Variants in ZDHHC14 observed in about 807,000 individuals in gnomAD.
ZDHHC14 encodes palmitoyltransferase ZDHHC14.
In ZDHHC14, 16 loss-of-function variants were observed where a neutral mutation model predicts 47.7. That is an observed-to-expected ratio of 0.34 (90% confidence interval 0.23 to 0.51). The LOEUF (loss-of-function observed/expected upper bound fraction) is 0.51, where lower values mean the gene tolerates loss of function less well. Among genes scored for constraint, ZDHHC14 ranks in the 20% least tolerant of loss-of-function variants. The pLI is 0.97. For synonymous variants in ZDHHC14, 293 were observed against 278.9 expected (o/e 1.05, Z -0.50); for missense variants, 515 against 662.5 (o/e 0.78, Z 2.44).
Position 157,672,962 on chromosome 6 carries a change from A to T in ZDHHC14, c.1307A>T (p.His436Leu), listed in dbSNP as rs1213301537. 6.3e-7 allele frequency: 1 copy of T among 1,599,716 alleles called. No homozygotes were observed. Among genetic ancestry groups the T allele is most frequent in the South Asian group, 1.1e-5 (1 of 89,656 alleles). Reference protein sequence around the residue: ...VMPRKDEHMGHQFLTPDEAPS... With the variant: ...VMPRKDEHMGLQFLTPDEAPS... ...CCCCGGAAAGATGAGCACATGGGCC[A>T]CCAGTTCCTGACGCCCGATGAGGCG... Residue 436 changes from histidine (H) to leucine (L), a missense_variant, in exon 9 of 9, where the codon CAC becomes CTC. Around this residue, in one of 4 missense-constraint regions of ZDHHC14, gnomAD observed 221 missense variants for 233.6 expected, o/e 0.95. Coordinates refer to ENST00000359775, the MANE Select transcript of ZDHHC14 (RefSeq NM_024630.3).
intron 1 of ZDHHC14, among the ~76,000 whole-genome samples, chr6:157,469,796 C>G (rs1428565666): frequency 1.3e-5 from 2 of 152,206 alleles, no homozygotes; most frequent in Non-Finnish European, 2.9e-5. Context: ...GAAGCGAAGT[C>G]CACCAGGTGC....
chr6:157,457,229 T>C (rs934873044), intron 1 of ZDHHC14, among the ~76,000 whole-genome samples: 5 of 148,976 alleles, frequency 3.4e-5, no homozygotes, highest in Non-Finnish European at 5.9e-5. Context: ...GGCGCCAGAG[T>C]GGGCCACAGA....
At chr6:157,492,192 C>T (rs1779936555) in intron 1 of ZDHHC14, among the ~76,000 whole-genome samples, 1 of 127,416 alleles carries the variant, frequency 7.8e-6, no homozygotes, top group African/African-American at 3.5e-5. Context: ...CCTCAACATC[C>T]CCCCTCCGCC....
At chr6:157,416,729 C>T (rs905099950) in intron 1 of ZDHHC14, among the ~76,000 whole-genome samples, 4 of 144,120 alleles carry the variant, frequency 2.8e-5, no homozygotes, top group Non-Finnish European at 6.0e-5. Flanking sequence ...GTAAAAAATT[C>T]GAACAGTATA....
chr6:157,483,891 A>G (rs1779691909), intron 1 of ZDHHC14, among the ~76,000 whole-genome samples: 1 of 152,170 alleles, frequency 6.6e-6, no homozygotes, highest in South Asian at 2.1e-4. Context: ...ACATGGAGTC[A>G]ACCTACATGC....
intron 3 of ZDHHC14, among the ~76,000 whole-genome samples, chr6:157,598,746 A>G (rs1022102417): frequency 6.6e-6 from 1 of 152,240 alleles, no homozygotes; most frequent in Non-Finnish European, 1.5e-5. Context: ...AACTGTAAGT[A>G]GAGTATGCCA....
At chr6:157,437,818 G>A (rs934785039) in intron 1 of ZDHHC14, among the ~76,000 whole-genome samples, 6 of 151,906 alleles carry the variant, frequency 3.9e-5, no homozygotes, top group African/African-American at 1.5e-4. Context: ...ATTAAATTAG[G>A]TGATTATATA....
chr6:157,484,847 A>C (rs569939231), intron 1 of ZDHHC14, among the ~76,000 whole-genome samples: 3 of 152,288 alleles, frequency 2.0e-5, no homozygotes, highest in African/African-American at 7.2e-5. Context: ...ACAATTCCGG[A>C]TAGTGAAGCT....
chr6:157,600,584 T>C (rs1261334238), intron 3 of ZDHHC14, among the ~76,000 whole-genome samples: 2 of 152,134 alleles, frequency 1.3e-5, no homozygotes, highest in Non-Finnish European at 2.9e-5. Context: ...TTTTGTGTTT[T>C]TAGTAAAGAT....
chr6:157,478,265 T>C (rs1452833475), intron 1 of ZDHHC14, among the ~76,000 whole-genome samples: 1 of 152,192 alleles, frequency 6.6e-6, no homozygotes. Flanking sequence ...TTATTATGTA[T>C]TATTTGATAA....
At chr6:157,409,572 C>G (rs919183959) in intron 1 of ZDHHC14, among the ~76,000 whole-genome samples, 10 of 152,168 alleles carry the variant, frequency 6.6e-5, no homozygotes, top group Admixed American at 6.5e-5. Flanking sequence ...AAGTCAAGCT[C>G]TTGAGTAAAG....
At chr6:157,672,301 C>G (rs534450707) in intron 8 of ZDHHC14, among the ~76,000 whole-genome samples, 1 of 152,340 alleles carries the variant, frequency 6.6e-6, no homozygotes, top group South Asian at 2.1e-4. Flanking sequence ...TTGCTATGAA[C>G]ATGGGTGTAC....
chr6:157,414,213 C>T (rs1479186636), intron 1 of ZDHHC14, among the ~76,000 whole-genome samples: 1 of 152,194 alleles, frequency 6.6e-6, no homozygotes. Context: ...CGTGCACCAC[C>T]ATGCGCAGCT....
chr6:157,460,446 T>A (rs1032451713), intron 1 of ZDHHC14, among the ~76,000 whole-genome samples: 1 of 145,058 alleles, frequency 6.9e-6, no homozygotes, highest in Non-Finnish European at 1.5e-5. Context: ...GAGTCATTCC[T>A]ATGTTGTGCA....
chr6:157,565,357 A>T (rs1782861891), intron 2 of ZDHHC14, among the ~76,000 whole-genome samples: 1 of 152,244 alleles, frequency 6.6e-6, no homozygotes, highest in African/African-American at 2.4e-5. Context: ...AGCATTGATT[A>T]AGTGCTTGCC....
chr6:157,587,613 A>G (rs1050410572), intron 2 of ZDHHC14, among the ~76,000 whole-genome samples: 6 of 152,122 alleles, frequency 3.9e-5, no homozygotes, highest in African/African-American at 1.4e-4. Flanking sequence ...AGGAAGAGAG[A>G]AGTAGGAGAC....
intron 2 of ZDHHC14, among the ~76,000 whole-genome samples, chr6:157,580,393 G>A (rs904603349): frequency 6.6e-6 from 1 of 152,088 alleles, no homozygotes; most frequent in Non-Finnish European, 1.5e-5. Context: ...TTTTGTATCA[G>A]GATGATGCTG....
intron 2 of ZDHHC14, among the ~76,000 whole-genome samples, chr6:157,584,712 C>T (rs1325779377): frequency 1.3e-5 from 2 of 152,186 alleles, no homozygotes; most frequent in Non-Finnish European, 2.9e-5. Flanking sequence ...CCACATGCCG[C>T]ACAGCCCCAA....
At chr6:157,395,792 CAAAA>C (rs1186869019) in intron 1 of ZDHHC14, among the ~76,000 whole-genome samples, 4 of 107,016 alleles carry the variant, frequency 3.7e-5, no homozygotes, top group African/African-American at 3.4e-5. Flanking sequence ...GACTCCATCT[CAAAA>C]AAAAAAAAAA....
Sources: allele counts gnomAD v4.1 joint callset (sites outside exome capture counted in the v4.1 genomes callset), GRCh38; gene constraint gnomAD v4.1.1; regional missense constraint gnomAD v4.1.1; transcripts MANE v1.5; gene names NCBI Gene and HGNC (gene_info 2026-07-23, HGNC 2026-07-21).